Variants in SHISAL1 observed in about 807,000 individuals in gnomAD.
SHISAL1 encodes the protein protein shisa-like-1.
In SHISAL1, 9 loss-of-function variants were observed where a neutral mutation model predicts 22.6. That is an observed-to-expected ratio of 0.40 (90% CI 0.24 to 0.70). The LOEUF is 0.70. SHISAL1 is among the 30% of genes least tolerant of loss of function. The pLI is 0.39. For synonymous variants in SHISAL1, 119 were observed against 115.4 expected, an observed-to-expected ratio of 1.03 and a Z score of -0.20; for missense variants, 246 against 270.6, an observed-to-expected ratio of 0.91 and a Z score of 0.64.
chr22:44,315,682 C>A (rs150807514), upstream of SHISAL1, among the ~76,000 whole-genome samples: 402 of 152,334 alleles, frequency 2.6e-3, 1 homozygote, highest in African/African-American at 8.9e-3. Context: ...CTGCTTCTTA[C>A]GCTGTTGTTA....
At chr22:44,254,077 CAAA>C (rs2055068252) in intron 4 of SHISAL1, among the ~76,000 whole-genome samples, 1 of 151,596 alleles carries the variant, frequency 6.6e-6, no homozygotes, top group Admixed American at 6.6e-5. Context: ...TGAGTTAGAG[CAAA>C]AAATAAAAAC....
chr22:44,301,122 T>G (rs1006694742), intron 1 of SHISAL1, 145 bp from the exon 2 acceptor site: 4 of 569,626 alleles, frequency 7.0e-6, no homozygotes, highest in Admixed American at 3.1e-5. Context: ...ACGATGGAGA[T>G]GCCGCCATCC....
chr22:44,266,482 G>A (rs2055162700), intron 4 of SHISAL1, among the ~76,000 whole-genome samples: 1 of 124,302 alleles, frequency 8.0e-6, no homozygotes, highest in Non-Finnish European at 1.6e-5. Context: ...CTGTGTGTGT[G>A]TCTGTTGGGG....
At position 44,310,838 on chromosome 22, in the gene SHISAL1, C is replaced by G. The variant is rs2055513050; in HGVS notation, c.-33+1913G>C. Among the ~76,000 whole-genome samples the G allele has an allele frequency of 6.6e-6, 1 of 152,060 alleles. No homozygotes were observed. Among genetic ancestry groups the G allele is most frequent in the Non-Finnish European group, 1.5e-5 (1 of 68,012 alleles). On this transcript the variant is annotated intron_variant, in intron 1 of 4. Transcript: ENST00000381176. The surrounding 1 kb of genome is among the most constrained non-coding windows in gnomAD (Gnocchi z 4.0). ...TACCTGTTGGTTTACTGCTTCCCTGCCTAGTACAAGCTCTTCAAGGGTGGG... is the reference window on the plus strand; with the variant it reads ...TACCTGTTGGTTTACTGCTTCCCTGGCTAGTACAAGCTCTTCAAGGGTGGG...
At chr22:44,282,906 G>A (rs2055286510) in intron 4 of SHISAL1, among the ~76,000 whole-genome samples, 1 of 152,208 alleles carries the variant, frequency 6.6e-6, no homozygotes, top group South Asian at 2.1e-4. Context: ...ACCACATGGA[G>A]GCTGGGCCAC....
Position 44,285,647 on chromosome 22 carries a change from A to T in SHISAL1, c.380T>A (p.Ile127Asn). The T allele has an allele frequency of 6.2e-7, 1 of 1,614,192 alleles. No individual in the cohort carries two copies. The highest frequency in any genetic ancestry group is 8.5e-7 in the Non-Finnish European group (1 of 1,180,012). Residue 127 changes from isoleucine to asparagine, a missense_variant, in exon 4 of 5, where the codon ATC becomes AAC. Coordinates refer to ENST00000381176, the MANE Select transcript of SHISAL1 (RefSeq NM_001099294.2). ...CCACCGTGCCAGGTAGACCTTGCAG[A>T]TGTCGTAGTTCATTGCCGAGTAATA... ...LLYYSAMNYD[I>N]CKVYLARWGI...
chr22:44,279,634 C>T (rs758301541), intron 4 of SHISAL1, among the ~76,000 whole-genome samples: 6 of 152,152 alleles, frequency 3.9e-5, no homozygotes, highest in Admixed American at 6.5e-5. Flanking sequence ...AGGTGAGAAA[C>T]GGTGGTACTG....
At chr22:44,304,486 G>A (rs1013290678) in intron 1 of SHISAL1, among the ~76,000 whole-genome samples, 6 of 152,322 alleles carry the variant, frequency 3.9e-5, no homozygotes, top group Middle Eastern at 3.4e-3. Context: ...CTGAAACGCA[G>A]GCCTCTAACA....
intron 4 of SHISAL1, among the ~76,000 whole-genome samples, chr22:44,276,643 A>G (rs2055241434): frequency 6.6e-6 from 1 of 151,970 alleles, no homozygotes; most frequent in Admixed American, 6.6e-5. Flanking sequence ...GGAGGAGCCA[A>G]GGAGATGGTG....
rs778668935 is a variant in SHISAL1 at position 44,300,910 on chromosome 22, G to A, written c.36C>T (p.Leu12=). ...AAAACAGCAATGAGAAGAGGACGGC[G>A]AGCACGTTCAAGGACTGCTGGCCAC... is the stretch of plus-strand genomic sequence containing the variant. ...TSCGQQSLNV[L]AVLFSLLFSA... Residue 12 remains leucine, a synonymous_variant, in exon 2 of 5, where the codon CTC becomes CTT. Transcript: ENST00000381176. The A allele has an allele frequency of 1.4e-5, 23 of 1,614,010 alleles. No homozygotes were observed. Among genetic ancestry groups the A allele is most frequent in the Admixed American group, 3.3e-5 (2 of 59,994 alleles).
At chr22:44,329,323 G>A in the SHISAL1 span, among the ~76,000 whole-genome samples, 36 of 152,136 alleles carry the variant, frequency 2.4e-4, 2 homozygotes, top group South Asian at 6.6e-3. Flanking sequence ...CGCTTTCTTT[G>A]TCACTCACTG....
chr22:44,259,473 T>TAAA (rs35901732), intron 4 of SHISAL1, among the ~76,000 whole-genome samples: 133 of 142,044 alleles, frequency 9.4e-4, no homozygotes, highest in East Asian at 2.8e-3. Flanking sequence ...TAAAAATTAT[T>TAAA]AAAAAAAAAA....
chr22:44,296,525 C>T, intron 3 of SHISAL1, 147 bp downstream of exon 3: 1 of 664,724 alleles, frequency 1.5e-6, no homozygotes. Flanking sequence ...AAACCCTGGT[C>T]ATCCAAAGAC....
At chr22:44,295,057 G>T (rs890884351) in intron 3 of SHISAL1, among the ~76,000 whole-genome samples, 2 of 152,100 alleles carry the variant, frequency 1.3e-5, no homozygotes, top group African/African-American at 4.8e-5. Flanking sequence ...GATTTTTTTG[G>T]GGGGAGGTAG....
upstream of SHISAL1, among the ~76,000 whole-genome samples, chr22:44,315,862 C>G (rs946850708): frequency 2.6e-5 from 4 of 152,262 alleles, no homozygotes; most frequent in Non-Finnish European, 1.5e-5. Context: ...CATAGGCTCA[C>G]AGGCAGCAGT....
chr22:44,319,430 G>T, the SHISAL1 span, among the ~76,000 whole-genome samples: 1 of 152,248 alleles, frequency 6.6e-6, no homozygotes, highest in Non-Finnish European at 1.5e-5. Context: ...GGATGAAGGG[G>T]AAAGAGGAGG....
chr22:44,295,272 T>C (rs1043187170), intron 3 of SHISAL1, among the ~76,000 whole-genome samples: 6 of 151,860 alleles, frequency 4.0e-5, no homozygotes, highest in African/African-American at 1.2e-4. Flanking sequence ...TTGCATTTCA[T>C]CTCGGGGGAA....
chr22:44,313,232 C>T (rs1034339223), upstream of SHISAL1, among the ~76,000 whole-genome samples: 3 of 152,258 alleles, frequency 2.0e-5, no homozygotes, highest in Non-Finnish European at 4.4e-5. Flanking sequence ...AGGTCCGCAC[C>T]TCAGCAGATG....
chr22:44,281,020 C>T (rs754794561), intron 4 of SHISAL1, among the ~76,000 whole-genome samples: 2 of 152,182 alleles, frequency 1.3e-5, no homozygotes, highest in East Asian at 1.9e-4. Context: ...GCAACATCCT[C>T]GGGCCTGGCT....
Sources: allele counts gnomAD v4.1 joint callset (sites outside exome capture counted in the v4.1 genomes callset), GRCh38; gene constraint gnomAD v4.1.1; non-coding constraint Gnocchi (gnomAD v3.1); transcripts MANE v1.5; gene names NCBI Gene and HGNC (gene_info 2026-07-23, HGNC 2026-07-21).